PALLD: variants seen among roughly 807,000 people sequenced by gnomAD.
PALLD encodes palladin, cytoskeletal associated protein, also known as palladin.
In PALLD, 61 loss-of-function variants were observed where a neutral mutation model predicts 123.5. The ratio of observed to expected loss-of-function variants is 0.49; its 90% CI spans 0.40 to 0.61. The LOEUF (loss-of-function observed/expected upper bound fraction) is 0.61, where lower values mean the gene tolerates loss of function less well. Among genes scored for constraint, PALLD ranks in the 20% least tolerant of loss-of-function variants. The probability of loss-of-function intolerance (pLI) is 0.00; values close to 1 mark genes in which losing one functional copy is unlikely to be tolerated. For synonymous variants in PALLD, 465 were observed against 496.4 expected (o/e 0.94, Z 0.84); for missense variants, 1,273 against 1,377.0 (o/e 0.92, Z 1.20).
Position 168,816,926 on chromosome 4 carries a change from T to G in PALLD, c.1965-73996T>G, listed in dbSNP as rs1742054778. ...CGGGGGTGAAGGGAGGCTGCAAGCT[T>G]GGCAGAATGTTTGAACAAGACAAAG... On this transcript the variant is annotated intron_variant, in intron 10 of 21. Transcript: ENST00000505667. 4.0e-5 allele frequency among the ~76,000 whole-genome samples: 6 copies of G among 150,812 alleles called. No individual in the cohort carries two copies. The South Asian group carries it at 1.1e-3, about 26-fold the overall frequency.
At chr4:168,915,592 A>G (rs958926045) in intron 16 of PALLD, among the ~76,000 whole-genome samples, 2 of 152,322 alleles carry the variant, frequency 1.3e-5, no homozygotes, top group African/African-American at 4.8e-5. Context: ...CAATAATGCT[A>G]CTTTTCATAA....
intron 6 of PALLD, among the ~76,000 whole-genome samples, chr4:168,685,810 GAAAAAAAA>G (rs70961550): frequency 1.1e-4 from 7 of 65,666 alleles, no homozygotes; most frequent in African/African-American, 2.9e-4. Flanking sequence ...AAGACAGATA[GAAAAAAAA>G]AAAAAAAAAA....
chr4:168,719,241 A>G (rs1237248926), intron 10 of PALLD, among the ~76,000 whole-genome samples: 2 of 147,634 alleles, frequency 1.4e-5, no homozygotes, highest in African/African-American at 5.0e-5. Context: ...GTAATTATCA[A>G]AAGTAATCTT....
chr4:168,883,631 T>C (rs1752933508), intron 10 of PALLD, among the ~76,000 whole-genome samples: 1 of 152,170 alleles, frequency 6.6e-6, no homozygotes, highest in Non-Finnish European at 1.5e-5. Flanking sequence ...CTCTTGGGAT[T>C]TGGTGGTGAT....
intron 2 of PALLD, among the ~76,000 whole-genome samples, chr4:168,577,930 A>T (rs890597839): frequency 1.3e-5 from 2 of 151,598 alleles, no homozygotes; most frequent in African/African-American, 4.8e-5. Context: ...GAGAGGACAC[A>T]TGAATGGGGG....
chr4:168,590,077 C>T lies in PALLD; in HGVS notation c.908+77665C>T, dbSNP rs117481118. Among the ~76,000 whole-genome samples, 167 of 152,382 alleles carry T rather than the reference C, an allele frequency of 1.1e-3. 2 individuals carry two copies. In the East Asian group the frequency reaches 0.03, roughly 27 times the overall value. On this transcript the variant is annotated intron_variant, in intron 2 of 21. Transcript: ENST00000505667. ...CTCAGGCTGGGCTCAGTGGCTCACG[C>T]CTGTAATCCCAGTACTTTGGGAGGC...
At chr4:168,570,511 CA>C (rs1414396412) in intron 2 of PALLD, among the ~76,000 whole-genome samples, 1 of 152,072 alleles carries the variant, frequency 6.6e-6, no homozygotes, top group Non-Finnish European at 1.5e-5. Context: ...AAACAAAAAC[CA>C]AAATGCTCTG....
At chr4:168,767,414 C>T (rs74662269) in intron 10 of PALLD, among the ~76,000 whole-genome samples, 7,796 of 152,262 alleles carry the variant, frequency 0.051, 246 homozygotes, top group East Asian at 0.13. Context: ...TGAACAATAG[C>T]TGCCCAAATT....
At chr4:168,750,735 A>G (rs998115230) in intron 10 of PALLD, among the ~76,000 whole-genome samples, 3 of 152,176 alleles carry the variant, frequency 2.0e-5, no homozygotes, top group Non-Finnish European at 4.4e-5. Flanking sequence ...CAGAAACACT[A>G]TTTCTGTGGC....
chr4:168,825,294 T>C (rs1295269328), intron 10 of PALLD, among the ~76,000 whole-genome samples: 1 of 152,242 alleles, frequency 6.6e-6, no homozygotes, highest in Non-Finnish European at 1.5e-5. Context: ...TCTCATTCCA[T>C]TTCCATATTG....
At chr4:168,530,151 C>G (rs374566245) in intron 2 of PALLD, among the ~76,000 whole-genome samples, 1 of 152,278 alleles carries the variant, frequency 6.6e-6, no homozygotes, top group African/African-American at 2.4e-5. Context: ...ATAGCTAACT[C>G]TAATTTATCC....
rs775439441 is a variant in PALLD at position 168,894,603 on chromosome 4, G to A, written c.2125G>A (p.Ala709Thr). The change falls in exon 12 of 22, where the codon GCT (alanine) becomes ACT (threonine). Residue 709 changes from alanine to threonine, a missense_variant. Physicochemically the swap from Ala to Thr is moderately conservative, Grantham distance 58. Coordinates refer to ENST00000505667, the MANE Select transcript of PALLD (RefSeq NM_001166108.2). ...GAGGTTAACATACGAAGAAAGAATG[G>A]CTCGTCGACTGCTAGGTGCTGACAG... is the stretch of plus-strand genomic sequence containing the variant. ...QPRLTYEERM[A>T]RRLLGADSAT... is the part of the protein sequence containing the mutation. 1.5e-5 allele frequency: 24 copies of A among 1,613,162 alleles called. No individual in the cohort carries two copies. The highest frequency in any genetic ancestry group is 2.0e-5 in the Non-Finnish European group (23 of 1,179,442).
intron 10 of PALLD, among the ~76,000 whole-genome samples, chr4:168,715,156 A>C (rs1401899055): frequency 6.6e-6 from 1 of 152,026 alleles, no homozygotes; most frequent in East Asian, 1.9e-4. Flanking sequence ...ACCTCTCATA[A>C]AGTGAGGGTT....
Position 168,789,472 on chromosome 4 carries a change from C to T in PALLD, c.1964+77549C>T, listed in dbSNP as rs569005744. Among the ~76,000 whole-genome samples the T allele has an allele frequency of 3.9e-5, 6 of 152,176 alleles. No individual in the cohort carries two copies. The East Asian group carries it at 7.7e-4, about 20-fold the overall frequency. ...CTGTAATCCCAGCACTTTGGGAGGC[C>T]GAGGCAGGCGGATCACAAGGTCAAG... On this transcript the variant is annotated intron_variant, in intron 10 of 21. Transcript: ENST00000505667.
chr4:168,780,695 G>A (rs1433680854), intron 10 of PALLD, among the ~76,000 whole-genome samples: 2 of 152,048 alleles, frequency 1.3e-5, no homozygotes, highest in African/African-American at 4.8e-5. Flanking sequence ...TGTTGTTGTT[G>A]TTTGTTTTTG....
chr4:168,794,538 A>ACACACACACACC (rs765026221), intron 10 of PALLD, among the ~76,000 whole-genome samples: 4 of 146,292 alleles, frequency 2.7e-5, no homozygotes, highest in African/African-American at 1.0e-4. Context: ...ACACACACAC[A>ACACACACACACC]CCCCTCTGGC....
intron 10 of PALLD, among the ~76,000 whole-genome samples, chr4:168,828,001 A>G (rs1246758249): frequency 3.3e-5 from 5 of 152,200 alleles, no homozygotes; most frequent in Non-Finnish European, 5.9e-5. Context: ...AGATCACGCC[A>G]TTGCACTCCA....
chr4:168,535,496 C>T (rs1480500486), intron 2 of PALLD, among the ~76,000 whole-genome samples: 2 of 152,174 alleles, frequency 1.3e-5, no homozygotes, highest in Non-Finnish European at 2.9e-5. Flanking sequence ...GATAACCGAA[C>T]CCACATATCC....
rs70961555 is a variant in PALLD at position 168,761,645 on chromosome 4, G to GTTTTTTTTTTTT, written c.1964+49742_1964+49753dup. 1.8e-3 allele frequency among the ~76,000 whole-genome samples: 158 copies of GTTTTTTTTTTTT among 87,704 alleles called. 9 individuals carry two copies. Among genetic ancestry groups the GTTTTTTTTTTTT allele is most frequent in the Non-Finnish European group, 2.5e-3 (114 of 44,980 alleles). 57.5% of individuals were successfully genotyped at this position (87,704 alleles called of 152,430 possible). A position where few individuals can be genotyped will look rare whatever the true frequency, so the allele number is the denominator to read the frequency against. On this transcript the variant is annotated intron_variant, in intron 10 of 21. Transcript: ENST00000505667. Reference sequence around the variant, plus strand: ...CCAGCTATTTTTGTTGTTGTTGTTTGTTTTTTTTTTTTTTTTTTTTTTTTT... The same window carrying GTTTTTTTTTTTT: ...CCAGCTATTTTTGTTGTTGTTGTTTGTTTTTTTTTTTTTTTTTTTTTTTTTTTTTTTTTTTTT...
Sources: gnomAD v4.1 joint callset for allele counts (sites outside exome capture counted in the v4.1 genomes callset) on GRCh38, gnomAD v4.1.1 for gene constraint, MANE v1.5 for transcripts, NCBI Gene and HGNC (gene_info 2026-07-23, HGNC 2026-07-21) for gene names.